Variants in RASEF observed in about 807,000 individuals in gnomAD.
The protein encoded by RASEF is ras and EF-hand domain-containing protein.
RASEF carries 68 observed loss-of-function variants against 90.1 expected under a neutral mutation model. The ratio of observed to expected loss-of-function variants is 0.75; its 90% CI spans 0.62 to 0.92. RASEF has a LOEUF of 0.92. Among genes scored for constraint, RASEF ranks in the 40% least tolerant of loss-of-function variants. RASEF has a pLI of 0.00. For synonymous variants in RASEF, 331 were observed against 345.2 expected (o/e 0.96, Z 0.46); for missense variants, 949 against 937.2 (o/e 1.01, Z -0.16).
chr9:83,171,889 TC>T, the RASEF span, among the ~76,000 whole-genome samples: 1 of 151,798 alleles, frequency 6.6e-6, no homozygotes, highest in African/African-American at 2.4e-5. Flanking sequence ...GAATCCTTTG[TC>T]CTTTTCTTAG....
At chr9:83,021,440 T>A (rs189949865) in intron 3 of RASEF, among the ~76,000 whole-genome samples, 1 of 152,334 alleles carries the variant, frequency 6.6e-6, no homozygotes, top group African/African-American at 2.4e-5. Context: ...TATTTTCTGT[T>A]TTCAATAAAC....
chr9:83,212,066 A>T, the RASEF span, among the ~76,000 whole-genome samples: 8 of 152,152 alleles, frequency 5.3e-5, no homozygotes, highest in Non-Finnish European at 1.2e-4. Flanking sequence ...ATATATTTAT[A>T]TGTATGTATA....
At chr9:83,080,528 T>A in the RASEF span, among the ~76,000 whole-genome samples, 7 of 152,260 alleles carry the variant, frequency 4.6e-5, no homozygotes, top group African/African-American at 1.7e-4. Flanking sequence ...GGGTACTTCA[T>A]AAAGCTAACA....
chr9:83,034,193 G>A (rs1444019216), intron 1 of RASEF, among the ~76,000 whole-genome samples: 1 of 152,176 alleles, frequency 6.6e-6, no homozygotes, highest in Non-Finnish European at 1.5e-5. Flanking sequence ...TGTGGTCTCA[G>A]TCTGCATACA....
At chr9:83,214,243 G>A in the RASEF span, among the ~76,000 whole-genome samples, 20 of 152,256 alleles carry the variant, frequency 1.3e-4, no homozygotes, top group East Asian at 2.1e-3. Context: ...AATTAGCCAG[G>A]CATGTTGGTG....
the RASEF span, among the ~76,000 whole-genome samples, chr9:83,184,222 G>A: frequency 0.013 from 1,932 of 152,256 alleles, 48 homozygotes; most frequent in African/African-American, 0.043. Context: ...TTTACTAAGT[G>A]GTGGGTAGCA....
chr9:83,112,805 G>C, the RASEF span, among the ~76,000 whole-genome samples: 1 of 151,910 alleles, frequency 6.6e-6, no homozygotes, highest in South Asian at 2.1e-4. Flanking sequence ...CTCTATACTT[G>C]GGATGCTAAT....
intron 4 of RASEF, among the ~76,000 whole-genome samples, chr9:83,014,860 TC>T (rs997591464): frequency 2.6e-5 from 4 of 152,016 alleles, no homozygotes; most frequent in Admixed American, 2.0e-4. Context: ...ATGATACACA[TC>T]CCTCCCTTCC....
chr9:83,190,963 A>G, the RASEF span, among the ~76,000 whole-genome samples: 2 of 152,196 alleles, frequency 1.3e-5, no homozygotes, highest in Non-Finnish European at 2.9e-5. Context: ...TTAAATAATA[A>G]TGATATCAGG....
intron 14 of RASEF, among the ~76,000 whole-genome samples, chr9:82,995,832 C>A (rs1353600351): frequency 6.6e-6 from 1 of 152,148 alleles, no homozygotes; most frequent in Non-Finnish European, 1.5e-5. Flanking sequence ...TCGGTTTGAG[C>A]CCCTATTCTA....
At chr9:83,118,656 G>A in the RASEF span, among the ~76,000 whole-genome samples, 1 of 152,250 alleles carries the variant, frequency 6.6e-6, no homozygotes, top group East Asian at 1.9e-4. Flanking sequence ...TTAAAGTATA[G>A]TTTCCATCAT....
chr9:83,055,936 A>G (rs1430346430), intron 1 of RASEF, among the ~76,000 whole-genome samples: 20 of 152,186 alleles, frequency 1.3e-4, no homozygotes, highest in Admixed American at 1.3e-3. Context: ...TCCACATCCC[A>G]GGTCCTTCAG....
At chr9:83,027,378 TTCTTAA>T (rs981615972) in intron 1 of RASEF, among the ~76,000 whole-genome samples, 1 of 152,254 alleles carries the variant, frequency 6.6e-6, no homozygotes, top group South Asian at 2.1e-4. Context: ...ACGTCAGTCT[TTCTTAA>T]TCTTAATCAT....
intron 3 of RASEF, among the ~76,000 whole-genome samples, chr9:83,020,162 G>T (rs1442526011): frequency 6.6e-6 from 1 of 152,322 alleles, no homozygotes; most frequent in South Asian, 2.1e-4. Flanking sequence ...TATGCCATAG[G>T]AGTCAAGGAC....
At chr9:83,169,121 A>G in the RASEF span, among the ~76,000 whole-genome samples, 1 of 151,844 alleles carries the variant, frequency 6.6e-6, no homozygotes. Flanking sequence ...AACAAGCAAT[A>G]TTTGTCTTTC....
the RASEF span, among the ~76,000 whole-genome samples, chr9:83,085,780 C>T: frequency 5.9e-5 from 9 of 151,956 alleles, no homozygotes; most frequent in South Asian, 4.2e-4. Flanking sequence ...CAAATATTAG[C>T]GAGGCGTGGT....
chr9:83,150,065 C>G, the RASEF span, among the ~76,000 whole-genome samples: 3 of 152,186 alleles, frequency 2.0e-5, no homozygotes, highest in African/African-American at 7.2e-5. Context: ...CACATCCCTT[C>G]CCCCAACCTT....
chr9:83,095,348 G>A, the RASEF span, among the ~76,000 whole-genome samples: 1 of 151,606 alleles, frequency 6.6e-6, no homozygotes, highest in Non-Finnish European at 1.5e-5. Flanking sequence ...GGTGAATCAT[G>A]AATTTTTACC....
chr9:83,045,643 G>A (rs1174529513), intron 1 of RASEF, among the ~76,000 whole-genome samples: 1 of 152,176 alleles, frequency 6.6e-6, no homozygotes, highest in Non-Finnish European at 1.5e-5. Context: ...ATTCATTTCT[G>A]TCTTTGTGCC....
Sources: allele counts gnomAD v4.1 joint callset (sites outside exome capture counted in the v4.1 genomes callset), GRCh38; gene constraint gnomAD v4.1.1; transcripts MANE v1.5; gene names NCBI Gene and HGNC (gene_info 2026-07-23, HGNC 2026-07-21).